Variants in EXOC6B observed in about 807,000 individuals in gnomAD.
EXOC6B encodes SEC15 homolog B.
A neutral mutation model predicts 113.5 loss-of-function variants in EXOC6B; 54 were observed. That is an observed-to-expected ratio of 0.48 (90% CI 0.38 to 0.60). The LOEUF is 0.60. Ranked by LOEUF, EXOC6B falls within the 20% of genes least tolerant of loss-of-function variation. EXOC6B has a pLI of 0.00. For synonymous variants in EXOC6B, 357 were observed against 339.0 expected, an observed-to-expected ratio of 1.05 and a Z score of -0.58; for missense variants, 797 against 977.5, an observed-to-expected ratio of 0.82 and a Z score of 2.46.
chr2:72,539,034 T>G (rs1425244094), intron 8 of EXOC6B, among the ~76,000 whole-genome samples: 1 of 152,124 alleles, frequency 6.6e-6, no homozygotes, highest in Admixed American at 6.5e-5. Context: ...CAAGTACCAT[T>G]TTTTGATCAA....
intron 6 of EXOC6B, among the ~76,000 whole-genome samples, chr2:72,620,776 C>A (rs909582979): frequency 6.6e-6 from 1 of 151,768 alleles, no homozygotes; most frequent in African/African-American, 2.4e-5. Context: ...TGTCTAAAAT[C>A]CAGAATCTAT....
At chr2:72,770,990 T>C (rs941922971) in intron 1 of EXOC6B, among the ~76,000 whole-genome samples, 2 of 152,236 alleles carry the variant, frequency 1.3e-5, no homozygotes, top group Non-Finnish European at 2.9e-5. Flanking sequence ...TTTTAAATAA[T>C]GATTATAGTG....
At chr2:72,448,478 A>G (rs764070256) in intron 18 of EXOC6B, among the ~76,000 whole-genome samples, 1 of 152,176 alleles carries the variant, frequency 6.6e-6, no homozygotes, top group Admixed American at 6.5e-5. Context: ...ATTTTTATTT[A>G]AGCTATACTA....
intron 20 of EXOC6B, among the ~76,000 whole-genome samples, chr2:72,224,590 T>C (rs1681082138): frequency 6.6e-6 from 1 of 152,108 alleles, no homozygotes; most frequent in East Asian, 1.9e-4. Flanking sequence ...AAGGAACAAA[T>C]AAATATATGT....
At chr2:72,546,440 T>C (rs2105806055) in intron 8 of EXOC6B, among the ~76,000 whole-genome samples, 1 of 151,858 alleles carries the variant, frequency 6.6e-6, no homozygotes, top group East Asian at 1.9e-4. Flanking sequence ...AGACTCCATC[T>C]CCAAAAAAAA....
intron 14 of EXOC6B, 105 bp from the exon 15 acceptor site, chr2:72,495,644 T>G (rs749174295): frequency 3.6e-5 from 24 of 672,924 alleles, no homozygotes; most frequent in Middle Eastern, 2.9e-4. Context: ...CATTGTGAAT[T>G]GTCTCCTTAA....
chr2:72,690,206 C>T (rs1259091485), intron 6 of EXOC6B, among the ~76,000 whole-genome samples: 1 of 152,164 alleles, frequency 6.6e-6, no homozygotes, highest in Non-Finnish European at 1.5e-5. Flanking sequence ...ATCTTGGGTA[C>T]ATGATAACTA....
At chr2:72,484,264 G>A (rs1314704217) in intron 16 of EXOC6B, among the ~76,000 whole-genome samples, 1 of 151,494 alleles carries the variant, frequency 6.6e-6, no homozygotes, top group African/African-American at 2.4e-5. Context: ...TACTCTTAAA[G>A]ATCCGTCCCC....
chr2:72,287,677 C>T (rs1422571298), intron 20 of EXOC6B, among the ~76,000 whole-genome samples: 1 of 151,790 alleles, frequency 6.6e-6, no homozygotes, highest in African/African-American at 2.4e-5. Flanking sequence ...TGACTTTATG[C>T]CAACAGATTT....
intron 18 of EXOC6B, chr2:72,464,576 T>C (rs550021292): frequency 6.6e-6 from 1 of 152,246 alleles, no homozygotes; most frequent in Non-Finnish European, 1.5e-5. Flanking sequence ...TCTCTACATA[T>C]TTTATACAAT....
intron 18 of EXOC6B, among the ~76,000 whole-genome samples, chr2:72,437,636 G>A (rs1027677417): frequency 2.0e-5 from 3 of 152,152 alleles, no homozygotes; most frequent in Non-Finnish European, 2.9e-5. Context: ...GGCTACAGTG[G>A]CTTTGCTGAG....
chr2:72,404,616 A>G (rs955704569), intron 18 of EXOC6B, among the ~76,000 whole-genome samples: 29 of 152,210 alleles, frequency 1.9e-4, no homozygotes, highest in Admixed American at 5.9e-4. Context: ...GTGGACCTCC[A>G]GCAAACTCCA....
intron 17 of EXOC6B, among the ~76,000 whole-genome samples, chr2:72,466,931 A>G (rs996332517): frequency 6.6e-6 from 1 of 152,198 alleles, no homozygotes; most frequent in Non-Finnish European, 1.5e-5. Flanking sequence ...GTTATAGAAT[A>G]GATCTCTTGA....
intron 17 of EXOC6B, among the ~76,000 whole-genome samples, chr2:72,479,730 T>C (rs948926383): frequency 1.3e-5 from 2 of 152,202 alleles, no homozygotes; most frequent in Admixed American, 1.3e-4. Flanking sequence ...CTCTAAGCTA[T>C]AGCATTTACT....
chr2:72,252,245 C>A (rs1683068559), intron 20 of EXOC6B, among the ~76,000 whole-genome samples: 1 of 152,118 alleles, frequency 6.6e-6, no homozygotes, highest in East Asian at 1.9e-4. Context: ...TTTATATAAA[C>A]AGGGGTAAAA....
intron 20 of EXOC6B, among the ~76,000 whole-genome samples, chr2:72,252,939 A>G (rs1340966236): frequency 6.6e-6 from 1 of 151,342 alleles, no homozygotes; most frequent in Non-Finnish European, 1.5e-5. Flanking sequence ...TCACTTACAT[A>G]TGGAAACTGC....
intron 20 of EXOC6B, among the ~76,000 whole-genome samples, chr2:72,193,760 G>A (rs1295375652): frequency 6.6e-6 from 1 of 152,104 alleles, no homozygotes; most frequent in African/African-American, 2.4e-5. Flanking sequence ...AGTGCTTTGG[G>A]AATAACCAAG....
At chr2:72,654,762 G>T (rs1674465682) in intron 6 of EXOC6B, among the ~76,000 whole-genome samples, 1 of 152,098 alleles carries the variant, frequency 6.6e-6, no homozygotes, top group East Asian at 1.9e-4. Flanking sequence ...TGCCACAAAT[G>T]TTCCATCCAC....
chr2:72,372,967 C>A (rs376456481), intron 19 of EXOC6B, among the ~76,000 whole-genome samples: 4 of 151,680 alleles, frequency 2.6e-5, no homozygotes, highest in East Asian at 3.9e-4. Flanking sequence ...AAAAGCAAAT[C>A]AAAATGAATT....
Sources: allele counts gnomAD v4.1 joint callset (sites outside exome capture counted in the v4.1 genomes callset), GRCh38; gene constraint gnomAD v4.1.1; transcripts MANE v1.5; gene names NCBI Gene and HGNC (gene_info 2026-07-23, HGNC 2026-07-21).